Variants in BNIP3L observed in about 807,000 individuals in gnomAD.
BNIP3L encodes BCL2/adenovirus E1B 19 kDa protein-interacting protein 3-like.
A neutral mutation model predicts 25.5 loss-of-function variants in BNIP3L; 10 were observed. That is an observed-to-expected ratio of 0.39 (90% CI 0.24 to 0.67). BNIP3L has a LOEUF of 0.67. Among genes scored for constraint, BNIP3L ranks in the 30% least tolerant of loss-of-function variants. The pLI is 0.45. For synonymous variants in BNIP3L, 113 were observed against 101.2 expected, an observed-to-expected ratio of 1.12 and a Z score of -0.70; for missense variants, 215 against 270.9, an observed-to-expected ratio of 0.79 and a Z score of 1.45.
chr8:26,404,306 G>C (rs1806453158), intron 3 of BNIP3L, among the ~76,000 whole-genome samples: 1 of 152,182 alleles, frequency 6.6e-6, no homozygotes, highest in African/African-American at 2.4e-5. Flanking sequence ...ACAATGTTGA[G>C]TGTTACTGAA....
At chr8:26,395,722 C>G (rs955830393) in intron 3 of BNIP3L, 3 of 186,354 alleles carry the variant, frequency 1.6e-5, no homozygotes, top group African/African-American at 7.2e-5. Flanking sequence ...CCGGGTTCAT[C>G]TCACTAGGGA....
chr8:26,409,264 A>G (rs1563344151), intron 5 of BNIP3L, among the ~76,000 whole-genome samples: 1 of 152,208 alleles, frequency 6.6e-6, no homozygotes, highest in Non-Finnish European at 1.5e-5. Flanking sequence ...TTGAGGAATT[A>G]CACTTCTGAA....
rs1326430056 is a variant in BNIP3L, at chr8:26,411,233, T to C, written c.*821T>C. 1.3e-5 allele frequency: 2 copies of C among 152,628 alleles called. No homozygotes were observed. The highest frequency in any genetic ancestry group is 4.8e-5 in the African/African-American group (2 of 41,458). The allele number at this position is 152,628 out of a possible 1,614,324, so 9.5% of individuals were successfully genotyped here. ...GAGATTTTTGCGTGTGTGTTTGATA[T>C]TTTTTACGATAATTAGCTGCATGTG... is the stretch of plus-strand genomic sequence containing the variant. On this transcript the variant is annotated 3_prime_UTR_variant, in exon 6 of 6. Transcript: ENST00000380629.
chr8:26,385,696 A>G (rs1259592204), intron 1 of BNIP3L, among the ~76,000 whole-genome samples: 1 of 152,066 alleles, frequency 6.6e-6, no homozygotes, highest in Non-Finnish European at 1.5e-5. Flanking sequence ...GTCTTTGGCC[A>G]GTCGGTTCCT....
intron 3 of BNIP3L, among the ~76,000 whole-genome samples, chr8:26,403,728 CAG>C (rs1424791595): frequency 6.6e-6 from 1 of 151,640 alleles, no homozygotes; most frequent in East Asian, 1.9e-4. Context: ...TTTGTATAGA[CAG>C]AGTCTCGCTA....
intron 1 of BNIP3L, among the ~76,000 whole-genome samples, chr8:26,385,671 T>C (rs1356468371): frequency 1.3e-5 from 2 of 151,748 alleles, no homozygotes; most frequent in African/African-American, 4.8e-5. Context: ...CTGACAGACC[T>C]ATGAGGAGTT....
At chr8:26,384,195 A>G (rs1047354239) in intron 1 of BNIP3L, among the ~76,000 whole-genome samples, 1 of 152,180 alleles carries the variant, frequency 6.6e-6, no homozygotes, top group Non-Finnish European at 1.5e-5. Flanking sequence ...ACTCTTGGGA[A>G]AGAGGTAATG....
intron 1 of BNIP3L, among the ~76,000 whole-genome samples, chr8:26,386,495 T>G (rs1805995910): frequency 6.6e-6 from 1 of 152,108 alleles, no homozygotes; most frequent in African/African-American, 2.4e-5. Flanking sequence ...AGTGCAGTGG[T>G]ACAGTCATAG....
chr8:26,404,381 A>C (rs191740480), intron 3 of BNIP3L, among the ~76,000 whole-genome samples: 2 of 152,352 alleles, frequency 1.3e-5, no homozygotes, highest in East Asian at 3.9e-4. Context: ...TTATCTGTAC[A>C]TGAATCATGG....
At chr8:26,393,217 G>A (rs1449007056) in intron 2 of BNIP3L, among the ~76,000 whole-genome samples, 2 of 151,704 alleles carry the variant, frequency 1.3e-5, no homozygotes, top group African/African-American at 2.4e-5. Context: ...AGTGTTTCTT[G>A]TAGGGGGAAA....
At chr8:26,394,050 T>C (rs1169729609) in intron 2 of BNIP3L, among the ~76,000 whole-genome samples, 1 of 152,198 alleles carries the variant, frequency 6.6e-6, no homozygotes, top group African/African-American at 2.4e-5. Context: ...TTTCAGCAAG[T>C]TAAGCCCCAA....
chr8:26,390,590 TGAGATA>T, intron 1 of BNIP3L: 1 of 964,118 alleles, frequency 1.0e-6, no homozygotes, highest in Non-Finnish European at 1.2e-6. Context: ...AACTAATCAG[TGAGATA>T]GAGATAAAGC....
chr8:26,387,119 CTCT>C (rs901235162), intron 1 of BNIP3L, among the ~76,000 whole-genome samples: 14 of 152,278 alleles, frequency 9.2e-5, no homozygotes, highest in Admixed American at 2.6e-4. Context: ...CAAAGCTCCT[CTCT>C]TCTTCTTCTT....
In BNIP3L at chr8:26,412,188, C is replaced by G. The variant is rs1186649613; in HGVS notation, c.*1776C>G. On this transcript the variant is annotated 3_prime_UTR_variant, in exon 6 of 6. Transcript: ENST00000380629. ...TGTCTTACTCTTAAACCTGGTAACA[C>G]TTGATTTGCCTTCTATAACCTATTT... is the stretch of plus-strand genomic sequence containing the variant. 6.6e-6 allele frequency: 1 copy of G among 152,106 alleles called. No individual in the cohort carries two copies. The highest frequency in any genetic ancestry group is 1.5e-5 in the Non-Finnish European group (1 of 68,022). 9.4% of individuals were successfully genotyped at this position (152,106 alleles called of 1,614,324 possible). A position where few individuals can be genotyped will look rare whatever the true frequency, so the allele number is the denominator to read the frequency against.
In BNIP3L at chr8:26,388,807, CTAAATAAA is replaced by C. The variant is rs3837185; in HGVS notation, c.101-2408_101-2401del. On this transcript the variant is annotated intron_variant, in intron 1 of 5. Coordinates refer to ENST00000380629, the MANE Select transcript of BNIP3L (RefSeq NM_004331.3). ...GCAATGTAGGGAGACCCTGTCTCTACTAAATAAATAAATAAATAAATAAATAAATAAAT... is the reference window on the plus strand; with the variant it reads ...GCAATGTAGGGAGACCCTGTCTCTACTAAATAAATAAATAAATAAATAAAT... Among the ~76,000 whole-genome samples the C allele has an allele frequency of 2.0e-3, 293 of 143,954 alleles. 1 individual carries two copies. Among genetic ancestry groups the C allele is most frequent in the East Asian group, 3.0e-3 (14 of 4,616 alleles). 94.4% of individuals were successfully genotyped at this position (143,954 alleles called of 152,430 possible). A position where few individuals can be genotyped will look rare whatever the true frequency, so the allele number is the denominator to read the frequency against.
At chr8:26,383,682 T>C (rs1211691511) in intron 1 of BNIP3L, among the ~76,000 whole-genome samples, 1 of 149,278 alleles carries the variant, frequency 6.7e-6, no homozygotes, top group Non-Finnish European at 1.5e-5. Context: ...CCGCGGGACG[T>C]GTCGGGGATC....
intron 3 of BNIP3L, among the ~76,000 whole-genome samples, chr8:26,398,740 GA>G (rs1336562247): frequency 1.1e-5 from 1 of 91,192 alleles, no homozygotes; most frequent in Non-Finnish European, 2.3e-5. Context: ...GACTAATAAA[GA>G]AAAAAAGAGA....
At chr8:26,406,938 T>C (rs1368126686) in intron 3 of BNIP3L, among the ~76,000 whole-genome samples, 2 of 152,158 alleles carry the variant, frequency 1.3e-5, no homozygotes, top group East Asian at 1.9e-4. Context: ...TTCTCATCAT[T>C]TTATTTTTAG....
chr8:26,406,600 C>A (rs7818293), intron 3 of BNIP3L, among the ~76,000 whole-genome samples: 33,524 of 152,032 alleles, frequency 0.22, 4,000 homozygotes, highest in Middle Eastern at 0.33. Flanking sequence ...CAGGGAAGAT[C>A]CCTTGAGCCC....
Sources: allele counts gnomAD v4.1 joint callset (sites outside exome capture counted in the v4.1 genomes callset), GRCh38; gene constraint gnomAD v4.1.1; transcripts MANE v1.5; gene names NCBI Gene and HGNC (gene_info 2026-07-23, HGNC 2026-07-21).